Variants in DOK5 observed in about 807,000 individuals in gnomAD.
The protein encoded by DOK5 is docking protein 5, also known as downstream of tyrosine kinase 5.
Under a neutral mutation model 43.3 loss-of-function variants are expected in DOK5, and 27 were observed. That is an observed-to-expected ratio of 0.62 (90% confidence interval 0.46 to 0.86). The LOEUF (loss-of-function observed/expected upper bound fraction) is 0.86, where lower values mean the gene tolerates loss of function less well. Among genes scored for constraint, DOK5 ranks in the 40% least tolerant of loss-of-function variants. The pLI is 0.00. For missense variants in DOK5, 373 were observed against 392.9 expected (o/e 0.95, Z 0.43); for synonymous variants, 146 against 140.1 (o/e 1.04, Z -0.30).
At chr20:54,527,473 G>A (rs935424294) in intron 1 of DOK5, among the ~76,000 whole-genome samples, 8 of 152,240 alleles carry the variant, frequency 5.3e-5, no homozygotes, top group African/African-American at 1.9e-4. Flanking sequence ...AATTCAAATC[G>A]AAGAGCAAAC....
intron 2 of DOK5, among the ~76,000 whole-genome samples, chr20:54,566,431 A>G (rs1985100551): frequency 6.6e-6 from 1 of 152,080 alleles, no homozygotes; most frequent in African/African-American, 2.4e-5. Context: ...CATTTCTGGG[A>G]TAAATTCTGA....
intron 6 of DOK5, among the ~76,000 whole-genome samples, chr20:54,615,424 C>G (rs977554444): frequency 6.6e-6 from 1 of 151,704 alleles, no homozygotes; most frequent in Non-Finnish European, 1.5e-5. Flanking sequence ...CCAGGTGGGT[C>G]GAATATAATC....
intron 2 of DOK5, among the ~76,000 whole-genome samples, chr20:54,564,315 C>T (rs762252833): frequency 4.6e-5 from 7 of 152,080 alleles, no homozygotes; most frequent in African/African-American, 1.7e-4. Flanking sequence ...CCTGTGGTCC[C>T]AGCTACTCGG....
intron 1 of DOK5, among the ~76,000 whole-genome samples, chr20:54,499,346 G>A (rs1031550216): frequency 6.6e-5 from 10 of 152,208 alleles, no homozygotes; most frequent in Admixed American, 4.6e-4. Context: ...GTTGTCCAGA[G>A]TTACAGACAG....
intron 1 of DOK5, among the ~76,000 whole-genome samples, chr20:54,549,698 G>A (rs914118506): frequency 3.9e-5 from 6 of 152,118 alleles, no homozygotes; most frequent in Non-Finnish European, 5.9e-5. Context: ...TGTTAGAAAT[G>A]CTGTCATTGA....
At position 54,517,419 on chromosome 20, in the gene DOK5, C is replaced by T. The variant is rs149495548; in HGVS notation, c.67-37514C>T. On this transcript the variant is annotated intron_variant, in intron 1 of 7. Coordinates refer to ENST00000262593, the MANE Select transcript of DOK5 (RefSeq NM_018431.5). ...CTAACCACTGTGTATGCTGGAGTCA[C>T]GCAATTTGAATTATACAGTCTTTGA... Among the ~76,000 whole-genome samples, 464 of 152,188 alleles carry T rather than the reference C, an allele frequency of 3.0e-3. 3 individuals carry two copies. The highest frequency in any genetic ancestry group is 0.011 in the African/African-American group (440 of 41,514).
At chr20:54,556,618 A>C (rs16999772) in intron 2 of DOK5, among the ~76,000 whole-genome samples, 34,956 of 152,186 alleles carry the variant, frequency 0.23, 5,957 homozygotes, top group African/African-American at 0.49. Context: ...TATTTTTGCT[A>C]GAACAGCCTT....
intron 6 of DOK5, among the ~76,000 whole-genome samples, chr20:54,634,437 CTTTTTTT>C (rs11470013): frequency 1.1e-5 from 1 of 90,414 alleles, no homozygotes; most frequent in Admixed American, 1.3e-4. Flanking sequence ...TCATATCATG[CTTTTTTT>C]TTTTTTTTTT....
At chr20:54,504,675 G>A (rs954315276) in intron 1 of DOK5, among the ~76,000 whole-genome samples, 1 of 152,138 alleles carries the variant, frequency 6.6e-6, no homozygotes, top group African/African-American at 2.4e-5. Flanking sequence ...CTTCTTAAAC[G>A]AATGAAATGA....
chr20:54,482,298 C>T (rs768104747), intron 1 of DOK5, among the ~76,000 whole-genome samples: 4 of 152,140 alleles, frequency 2.6e-5, no homozygotes, highest in African/African-American at 4.8e-5. Context: ...TTGGTCAGCT[C>T]ACGGCCAGGT....
chr20:54,540,178 G>T (rs1443836471), intron 1 of DOK5, among the ~76,000 whole-genome samples: 1 of 151,796 alleles, frequency 6.6e-6, no homozygotes, highest in African/African-American at 2.4e-5. Context: ...AATACCTATT[G>T]GGTGCATACC....
chr20:54,600,493 A>C (rs1600727223), intron 5 of DOK5, among the ~76,000 whole-genome samples: 1 of 152,272 alleles, frequency 6.6e-6, no homozygotes, highest in African/African-American at 2.4e-5. Flanking sequence ...CAGGGCATAT[A>C]GATTGAAATC....
chr20:54,617,251 C>T (rs1035267577), intron 6 of DOK5, among the ~76,000 whole-genome samples: 6 of 152,162 alleles, frequency 3.9e-5, no homozygotes, highest in African/African-American at 1.4e-4. Flanking sequence ...TCAAAGCCAG[C>T]AAGAGGGCAC....
chr20:54,616,919 A>T (rs1049850629), intron 6 of DOK5, among the ~76,000 whole-genome samples: 2 of 151,492 alleles, frequency 1.3e-5, no homozygotes, highest in African/African-American at 4.9e-5. Flanking sequence ...CCTCCCGAGT[A>T]GCTGAGACTA....
chr20:54,562,162 A>G (rs1600703253), intron 2 of DOK5, among the ~76,000 whole-genome samples: 1 of 152,222 alleles, frequency 6.6e-6, no homozygotes, highest in East Asian at 1.9e-4. Flanking sequence ...CTTTGTATCT[A>G]TCTTTCCAAC....
At chr20:54,588,878 C>T in intron 4 of DOK5, 72 bp downstream of exon 4, 1 of 1,519,244 alleles carries the variant, frequency 6.6e-7, no homozygotes, top group South Asian at 1.3e-5. Flanking sequence ...CATAAGACAT[C>T]TTCATTATGT....
intron 4 of DOK5, among the ~76,000 whole-genome samples, chr20:54,589,902 T>C (rs1273275122): frequency 6.6e-6 from 1 of 151,966 alleles, no homozygotes; most frequent in African/African-American, 2.4e-5. Context: ...TCTTTGTAGA[T>C]TGGAAAATTG....
intron 1 of DOK5, among the ~76,000 whole-genome samples, chr20:54,477,079 G>T (rs7264375): frequency 1.3e-5 from 2 of 151,636 alleles, no homozygotes; most frequent in East Asian, 3.8e-4. Flanking sequence ...AATATCCTTT[G>T]GTGTAATGCC....
At chr20:54,627,902 G>T (rs1214237599) in intron 6 of DOK5, among the ~76,000 whole-genome samples, 1 of 152,136 alleles carries the variant, frequency 6.6e-6, no homozygotes, top group East Asian at 1.9e-4. Flanking sequence ...AAGATGTATA[G>T]TCTCAAGAAG....
Sources: gnomAD v4.1 joint callset for allele counts (sites outside exome capture counted in the v4.1 genomes callset) on GRCh38, gnomAD v4.1.1 for gene constraint, MANE v1.5 for transcripts, NCBI Gene and HGNC (gene_info 2026-07-23, HGNC 2026-07-21) for gene names.